PTPN9: variants seen among roughly 807,000 people sequenced by gnomAD.
PTPN9 encodes tyrosine-protein phosphatase non-receptor type 9.
Under a neutral mutation model 69.8 loss-of-function variants are expected in PTPN9, and 26 were observed. The observed-to-expected ratio is 0.37, with a 90% CI of 0.27 to 0.52. The LOEUF (loss-of-function observed/expected upper bound fraction) is 0.52, where lower values mean the gene tolerates loss of function less well. PTPN9 is among the 20% of genes least tolerant of loss of function. The pLI is 0.91. For synonymous variants in PTPN9, 274 were observed against 272.5 expected (o/e 1.01, Z -0.05); for missense variants, 549 against 740.3 (o/e 0.74, Z 3.00).
chr15:75,488,675 T>C (rs1051439588), intron 8 of PTPN9, among the ~76,000 whole-genome samples: 1 of 152,112 alleles, frequency 6.6e-6, no homozygotes, highest in African/African-American at 2.4e-5. Flanking sequence ...GTGCCTGTAG[T>C]CTCAGCTACT....
intron 5 of PTPN9, among the ~76,000 whole-genome samples, chr15:75,514,175 T>C (rs1260061047): frequency 6.6e-6 from 1 of 151,820 alleles, no homozygotes; most frequent in Non-Finnish European, 1.5e-5. Context: ...TCCTCTTTTT[T>C]TTTTTTTCTT....
intron 8 of PTPN9, among the ~76,000 whole-genome samples, chr15:75,482,844 A>G (rs2074650643): frequency 6.6e-6 from 1 of 151,906 alleles, no homozygotes; most frequent in South Asian, 2.1e-4. Context: ...AGTCCCAGCT[A>G]CACGGGAGGC....
chr15:75,504,416 G>C (rs572498320), intron 7 of PTPN9, among the ~76,000 whole-genome samples: 1 of 129,826 alleles, frequency 7.7e-6, no homozygotes, highest in Non-Finnish European at 1.7e-5. Flanking sequence ...CAGCCGACCC[G>C]TCCGGGAGGG....
Position 75,520,254 on chromosome 15 carries a change from C to T in PTPN9, c.422+2867G>A, listed in dbSNP as rs2074895557. Reference sequence around the variant, plus strand: ...CAAATTATGGGCTTTCCCCTCATGACTCCAGGTTGTGGCAGGGGACTAAAA... The same window carrying T: ...CAAATTATGGGCTTTCCCCTCATGATTCCAGGTTGTGGCAGGGGACTAAAA... On this transcript the variant is annotated intron_variant, in intron 4 of 12. Coordinates refer to ENST00000618819, the MANE Select transcript of PTPN9 (RefSeq NM_002833.4). Among the ~76,000 whole-genome samples the T allele has an allele frequency of 2.0e-5, 3 of 152,014 alleles. No individual in the cohort carries two copies. In the South Asian group the frequency reaches 6.2e-4, roughly 32 times the overall value.
chr15:75,470,684 G>A lies in PTPN9; in HGVS notation c.1355C>T (p.Thr452Ile), dbSNP rs1453114485. Residue 452 changes from threonine to isoleucine, a missense_variant, in exon 11 of 13, where the codon ACA becomes ATA. Transcript: ENST00000618819. Reference protein sequence around the residue: ...YKKTTLEIHNTEERQKRQVTH... With the variant: ...YKKTTLEIHNIEERQKRQVTH... ...AAAAAAGAAACCTGGATTTACCTCT[G>A]TGTTGTGAATTTCTAGCGTTGTTTT... is the stretch of plus-strand genomic sequence containing the variant. 1.9e-6 allele frequency: 3 copies of A among 1,613,892 alleles called. No individual in the cohort carries two copies. Among genetic ancestry groups the A allele is most frequent in the Admixed American group, 3.3e-5 (2 of 59,978 alleles).
intron 1 of PTPN9, among the ~76,000 whole-genome samples, chr15:75,569,656 G>C (rs2075140284): frequency 7.8e-6 from 1 of 127,712 alleles, no homozygotes. Context: ...AGTGAGCGGA[G>C]ATAGTGACAA....
intron 7 of PTPN9, among the ~76,000 whole-genome samples, chr15:75,490,955 A>G (rs1215909110): frequency 6.6e-6 from 1 of 152,094 alleles, no homozygotes; most frequent in Non-Finnish European, 1.5e-5. Flanking sequence ...AGAGAAGTCA[A>G]AAAATTAGCC....
Position 75,480,689 on chromosome 15 carries a change from C to G in PTPN9, c.1063-775G>C, listed in dbSNP as rs1006164190. On this transcript the variant is annotated intron_variant, in intron 8 of 12. Coordinates refer to ENST00000618819, the MANE Select transcript of PTPN9 (RefSeq NM_002833.4). ...AAGCGGAGCCGCTGCCGCGACCGACCGCAGCCACCGCCGCCCCACAGCCGG... is the reference window on the plus strand; with the variant it reads ...AAGCGGAGCCGCTGCCGCGACCGACGGCAGCCACCGCCGCCCCACAGCCGG... The G allele has an allele frequency of 5.4e-6, 7 of 1,286,580 alleles. No individual in the cohort carries two copies. The African/African-American group carries it at 1.1e-4, about 21-fold the overall frequency. The allele number at this position is 1,286,580 out of a possible 1,614,324, so 79.7% of individuals were successfully genotyped here. A position where few individuals can be genotyped will look rare whatever the true frequency, so the allele number is the denominator to read the frequency against.
At chr15:75,521,226 A>G (rs1372660408) in intron 4 of PTPN9, among the ~76,000 whole-genome samples, 1 of 150,706 alleles carries the variant, frequency 6.6e-6, no homozygotes, top group African/African-American at 2.4e-5. Flanking sequence ...TGGGTGGATC[A>G]CGAGCTCAGG....
chr15:75,542,036 A>AAAAT (rs2075010902), intron 1 of PTPN9, among the ~76,000 whole-genome samples: 1 of 149,702 alleles, frequency 6.7e-6, no homozygotes, highest in Non-Finnish European at 1.5e-5. Context: ...ATGCCATCTC[A>AAAAT]AAAATAAAAT....
At chr15:75,487,937 G>C (rs1274578714) in intron 8 of PTPN9, among the ~76,000 whole-genome samples, 1 of 152,122 alleles carries the variant, frequency 6.6e-6, no homozygotes, top group Non-Finnish European at 1.5e-5. Context: ...TGTTAAAGAG[G>C]TACTATTTAA....
intron 1 of PTPN9, among the ~76,000 whole-genome samples, chr15:75,531,944 A>G (rs1458081193): frequency 6.6e-6 from 1 of 152,160 alleles, no homozygotes; most frequent in Non-Finnish European, 1.5e-5. Flanking sequence ...TTATAGAATA[A>G]AACACCAGAA....
chr15:75,530,893 T>C (rs1263030341), intron 1 of PTPN9, among the ~76,000 whole-genome samples: 11 of 115,624 alleles, frequency 9.5e-5, no homozygotes, highest in Admixed American at 2.6e-4. Context: ...TATTATTATA[T>C]ATTATATTAT....
At chr15:75,502,283 C>T (rs1486788660) in intron 7 of PTPN9, among the ~76,000 whole-genome samples, 3 of 152,064 alleles carry the variant, frequency 2.0e-5, no homozygotes, top group Non-Finnish European at 2.9e-5. Flanking sequence ...CCTGTCTCTA[C>T]TAAAAATACA....
intron 1 of PTPN9, among the ~76,000 whole-genome samples, chr15:75,538,177 T>G (rs1184452411): frequency 6.6e-6 from 1 of 152,102 alleles, no homozygotes; most frequent in African/African-American, 2.4e-5. Context: ...AGGAGATCTA[T>G]CAAAGCAATT....
intron 1 of PTPN9, among the ~76,000 whole-genome samples, chr15:75,530,905 T>C (rs1228700473): frequency 9.0e-6 from 1 of 111,334 alleles, no homozygotes; most frequent in Non-Finnish European, 1.8e-5. Flanking sequence ...TTATATTATA[T>C]ATTATAATAT....
intron 1 of PTPN9, among the ~76,000 whole-genome samples, chr15:75,541,465 G>A (rs2075008482): frequency 6.6e-6 from 1 of 151,348 alleles, no homozygotes; most frequent in Non-Finnish European, 1.5e-5. Context: ...GGAGTGCAGT[G>A]GCATGATCTC....
intron 5 of PTPN9, among the ~76,000 whole-genome samples, chr15:75,514,941 C>T (rs2074861939): frequency 6.6e-6 from 1 of 152,180 alleles, no homozygotes; most frequent in Non-Finnish European, 1.5e-5. Context: ...AATCTTCACA[C>T]ATGGCAAGGG....
intron 1 of PTPN9, 59 bp from the exon 2 acceptor site, chr15:75,527,320 AAAAC>A: frequency 6.3e-7 from 1 of 1,581,716 alleles, no homozygotes; most frequent in Non-Finnish European, 8.6e-7. Context: ...ATGGAGTCAA[AAAAC>A]AAACAAGTGA....
Sources: allele counts gnomAD v4.1 joint callset (sites outside exome capture counted in the v4.1 genomes callset), GRCh38; gene constraint gnomAD v4.1.1; transcripts MANE v1.5; gene names NCBI Gene and HGNC (gene_info 2026-07-23, HGNC 2026-07-21).